The following SLC9A4 variants were observed in gnomAD, a reference collection of about 807,000 sequenced individuals.
SLC9A4 encodes the protein sodium/hydrogen exchanger 4.
In SLC9A4, 63 loss-of-function variants were observed where a neutral mutation model predicts 67.4. That is an observed-to-expected ratio of 0.93 (90% CI 0.76 to 1.15). The LOEUF is 1.15. Among genes scored for constraint, SLC9A4 ranks in the 50% most tolerant of loss-of-function variants. The pLI is 0.00. For synonymous variants in SLC9A4, 393 were observed against 367.2 expected, an observed-to-expected ratio of 1.07 and a Z score of -0.80; for missense variants, 1,089 against 987.7, an observed-to-expected ratio of 1.10 and a Z score of -1.38.
intron 2 of SLC9A4, among the ~76,000 whole-genome samples, chr2:102,483,333 C>T (rs113019292): frequency 2.6e-5 from 4 of 152,272 alleles, no homozygotes; most frequent in Admixed American, 1.3e-4. Context: ...GGAACGGGTA[C>T]TTGCTGCCGT....
Sources: allele counts gnomAD v4.1 joint callset (sites outside exome capture counted in the v4.1 genomes callset), GRCh38; gene constraint gnomAD v4.1.1; transcripts MANE v1.5; gene names NCBI Gene and HGNC (gene_info 2026-07-23, HGNC 2026-07-21).